DCLK1: variants seen among roughly 807,000 people sequenced by gnomAD.
DCLK1 encodes the protein serine/threonine-protein kinase DCLK1.
In DCLK1, 16 loss-of-function variants were observed where a neutral mutation model predicts 86.2. That is an observed-to-expected ratio of 0.19 (90% CI 0.13 to 0.28). The LOEUF (loss-of-function observed/expected upper bound fraction) is 0.28, where lower values mean the gene tolerates loss of function less well. Among genes scored for constraint, DCLK1 ranks in the 10% least tolerant of loss-of-function variants. The pLI is 1.00. For synonymous variants in DCLK1, 369 were observed against 370.5 expected (o/e 1.00, Z 0.05); for missense variants, 590 against 940.2 (o/e 0.63, Z 4.87).
chr13:36,074,353 T>A (rs1566670495), intron 3 of DCLK1, among the ~76,000 whole-genome samples: 2 of 151,170 alleles, frequency 1.3e-5, no homozygotes, highest in Non-Finnish European at 3.0e-5. Flanking sequence ...ATACAAAAAA[T>A]TAGCAGGGCG....
chr13:36,124,514 G>A (rs1886101707), intron 2 of DCLK1, among the ~76,000 whole-genome samples: 2 of 152,338 alleles, frequency 1.3e-5, no homozygotes, highest in African/African-American at 4.8e-5. Context: ...AGCAAAAAGG[G>A]AGAAGTCCCC....
chr13:35,944,089 C>A (rs1313261924), intron 4 of DCLK1, among the ~76,000 whole-genome samples: 1 of 152,154 alleles, frequency 6.6e-6, no homozygotes, highest in Admixed American at 6.5e-5. Flanking sequence ...GTCTCCCTGG[C>A]AGTTTCCGAT....
chr13:36,109,953 CA>C (rs1885548801), intron 3 of DCLK1, among the ~76,000 whole-genome samples: 1 of 152,044 alleles, frequency 6.6e-6, no homozygotes, highest in Non-Finnish European at 1.5e-5. Flanking sequence ...CAGCTGATGG[CA>C]AATTTTAGCT....
chr13:35,883,617 T>G (rs571560157), intron 4 of DCLK1, among the ~76,000 whole-genome samples: 1 of 152,180 alleles, frequency 6.6e-6, no homozygotes, highest in African/African-American at 2.4e-5. Flanking sequence ...AAGACAGCAG[T>G]GGTATGGTCT....
rs189874404 is a variant in DCLK1 at position 36,035,954 on chromosome 13, A to T, written c.723+75915T>A. Among the ~76,000 whole-genome samples, 171 of 152,206 alleles carry T rather than the reference A, an allele frequency of 1.1e-3. 2 individuals carry two copies. In the South Asian group the frequency reaches 0.017, roughly 15 times the overall value. On this transcript the variant is annotated intron_variant, in intron 3 of 16. Transcript: ENST00000360631. ...GATAACAACATTATCCAAATAGATA[A>T]TATTTCCATGGATATTGAGCTAGGA...
At chr13:36,027,325 C>G (rs1044534845) in intron 3 of DCLK1, among the ~76,000 whole-genome samples, 2 of 152,236 alleles carry the variant, frequency 1.3e-5, no homozygotes, top group African/African-American at 2.4e-5. Flanking sequence ...GAATCTAATG[C>G]TGCCGCTGAT....
At chr13:35,778,403 T>C (rs1566526650) in intron 16 of DCLK1, among the ~76,000 whole-genome samples, 1 of 152,232 alleles carries the variant, frequency 6.6e-6, no homozygotes, top group Non-Finnish European at 1.5e-5. Flanking sequence ...ATCTGTTTAC[T>C]CTGCCTATGG....
intron 3 of DCLK1, among the ~76,000 whole-genome samples, chr13:35,998,481 G>C (rs17789788): frequency 0.36 from 54,910 of 151,864 alleles, 11,064 homozygotes; most frequent in Admixed American, 0.44. Context: ...TTCTCCAGCC[G>C]ATGCGTCTCT....
intron 5 of DCLK1, among the ~76,000 whole-genome samples, chr13:35,861,373 C>T (rs1408876859): frequency 6.6e-6 from 1 of 152,126 alleles, no homozygotes; most frequent in Non-Finnish European, 1.5e-5. Context: ...AATTGGGGAC[C>T]ACAAGCACCA....
chr13:36,122,038 T>C (rs1029943394), intron 2 of DCLK1, among the ~76,000 whole-genome samples: 1 of 152,184 alleles, frequency 6.6e-6, no homozygotes, highest in African/African-American at 2.4e-5. Flanking sequence ...AAATTTTATA[T>C]CTATTCAAAA....
chr13:35,789,876 TTCTC>T (rs777311689), intron 16 of DCLK1, among the ~76,000 whole-genome samples: 3 of 152,136 alleles, frequency 2.0e-5, no homozygotes, highest in Non-Finnish European at 4.4e-5. Flanking sequence ...TTGTTTCCCT[TTCTC>T]TCTCTCTTTT....
chr13:35,900,698 C>T (rs1415379309), intron 4 of DCLK1, among the ~76,000 whole-genome samples: 2 of 152,152 alleles, frequency 1.3e-5, no homozygotes, highest in African/African-American at 2.4e-5. Context: ...TGTTTTTCCC[C>T]GGCTTCCCTG....
At chr13:35,863,903 C>A (rs1396422133) in intron 5 of DCLK1, among the ~76,000 whole-genome samples, 1 of 152,154 alleles carries the variant, frequency 6.6e-6, no homozygotes, top group Non-Finnish European at 1.5e-5. Context: ...ATTTAAATAG[C>A]ATGAATAAAA....
chr13:35,958,039 CCACCACCATCACCACTATAACCACTAG>C (rs1420990404), intron 3 of DCLK1, among the ~76,000 whole-genome samples: 1 of 140,550 alleles, frequency 7.1e-6, no homozygotes, highest in African/African-American at 2.8e-5. Context: ...ACTACCACCA[CCACCACCATCACCACTATAACCACTAG>C]CACCACCACC....
chr13:36,113,371 C>T (rs1052581196), intron 2 of DCLK1, among the ~76,000 whole-genome samples: 2 of 152,174 alleles, frequency 1.3e-5, no homozygotes, highest in Admixed American at 1.3e-4. Flanking sequence ...TGTATACATA[C>T]ACATTATGCC....
intron 15 of DCLK1, 129 bp from the exon 16 acceptor site, chr13:35,793,608 G>T: frequency 1.6e-6 from 1 of 615,748 alleles, no homozygotes; most frequent in Non-Finnish European, 2.8e-6. Context: ...ACCAACCAAT[G>T]TCTACTCATT....
At chr13:36,120,732 A>G (rs1885957135) in intron 2 of DCLK1, among the ~76,000 whole-genome samples, 1 of 152,216 alleles carries the variant, frequency 6.6e-6, no homozygotes, top group South Asian at 2.1e-4. Context: ...ATGCACAGAA[A>G]ATGAAATACA....
At chr13:36,034,468 G>C (rs763743412) in intron 3 of DCLK1, among the ~76,000 whole-genome samples, 1 of 152,004 alleles carries the variant, frequency 6.6e-6, no homozygotes, top group Non-Finnish European at 1.5e-5. Context: ...TAGAAGTGAC[G>C]TGCATTCCTT....
At chr13:35,787,662 A>G (rs2153098740) in intron 16 of DCLK1, among the ~76,000 whole-genome samples, 1 of 152,278 alleles carries the variant, frequency 6.6e-6, no homozygotes, top group South Asian at 2.1e-4. Context: ...TAAAACAAAA[A>G]CAAAACAAAA....
Sources: allele counts gnomAD v4.1 joint callset (sites outside exome capture counted in the v4.1 genomes callset), GRCh38; gene constraint gnomAD v4.1.1; transcripts MANE v1.5; gene names NCBI Gene and HGNC (gene_info 2026-07-23, HGNC 2026-07-21).